AGBL4: variants seen among roughly 807,000 people sequenced by gnomAD.
AGBL4 encodes the protein AGBL carboxypeptidase 4, also known as cytosolic carboxypeptidase 6.
A neutral mutation model predicts 66.4 loss-of-function variants in AGBL4; 58 were observed. That is an observed-to-expected ratio of 0.87 (90% CI 0.71 to 1.09). The LOEUF is 1.09. AGBL4 is among the 50% of genes least tolerant of loss of function. The pLI is 0.00. For synonymous variants in AGBL4, 234 were observed against 222.9 expected, an observed-to-expected ratio of 1.05 and a Z score of -0.44; for missense variants, 579 against 631.0, an observed-to-expected ratio of 0.92 and a Z score of 0.88.
chr1:49,730,291 G>A (rs1649339862), intron 2 of AGBL4, among the ~76,000 whole-genome samples: 1 of 152,144 alleles, frequency 6.6e-6, no homozygotes, highest in African/African-American at 2.4e-5. Flanking sequence ...CCAAAGAGCA[G>A]GAGCTAAAAA....
At chr1:49,049,456 A>G (rs1035917341) in intron 4 of AGBL4, among the ~76,000 whole-genome samples, 1 of 152,144 alleles carries the variant, frequency 6.6e-6, no homozygotes, top group African/African-American at 2.4e-5. Context: ...GAACAATAAA[A>G]GTAAATGGAT....
chr1:49,391,790 T>C (rs531079505), intron 3 of AGBL4, among the ~76,000 whole-genome samples: 2 of 152,146 alleles, frequency 1.3e-5, no homozygotes, highest in East Asian at 3.9e-4. Context: ...CTTGATCTCC[T>C]GACCTCGTGA....
chr1:48,566,244 C>T (rs905995666), intron 11 of AGBL4, among the ~76,000 whole-genome samples: 13 of 152,142 alleles, frequency 8.5e-5, no homozygotes, highest in Admixed American at 1.3e-4. Context: ...GTTCTGTCAC[C>T]GAGCCTTTAT....
chr1:49,227,957 C>T (rs1650033583), intron 4 of AGBL4, among the ~76,000 whole-genome samples: 2 of 152,254 alleles, frequency 1.3e-5, no homozygotes, highest in African/African-American at 2.4e-5. Flanking sequence ...ACATCCTACC[C>T]TTCCAGCACT....
intron 1 of AGBL4, among the ~76,000 whole-genome samples, chr1:49,974,689 G>C (rs184890111): frequency 6.6e-6 from 1 of 152,184 alleles, no homozygotes; most frequent in Admixed American, 6.5e-5. Flanking sequence ...ACCCTAATAG[G>C]ATATCTCCAA....
intron 3 of AGBL4, among the ~76,000 whole-genome samples, chr1:49,296,521 A>G (rs765295984): frequency 6.6e-6 from 1 of 152,164 alleles, no homozygotes; most frequent in Non-Finnish European, 1.5e-5. Flanking sequence ...CTTCATTCCC[A>G]TTGTTAGGAG....
intron 2 of AGBL4, among the ~76,000 whole-genome samples, chr1:49,702,228 C>T (rs1287750866): frequency 6.6e-6 from 1 of 152,120 alleles, no homozygotes; most frequent in Admixed American, 6.6e-5. Flanking sequence ...TGTGGTGGCT[C>T]ACACCTGTAA....
chr1:49,952,793 G>T (rs1024207408), intron 1 of AGBL4, among the ~76,000 whole-genome samples: 9 of 151,960 alleles, frequency 5.9e-5, no homozygotes, highest in Non-Finnish European at 7.4e-5. Context: ...ATACAGGTGG[G>T]ATGGTAAAGA....
intron 2 of AGBL4, among the ~76,000 whole-genome samples, chr1:49,814,893 C>T (rs1348218033): frequency 6.6e-6 from 1 of 152,012 alleles, no homozygotes. Context: ...TTTGTGGGAA[C>T]ATAGTAGGTG....
chr1:49,832,629 C>G lies in AGBL4; in HGVS notation c.157+18767G>C, dbSNP rs1269091978. ...GTCCCACCAAGAGTGTAAAAGTGTT[C>G]CTATTTCTCCACATCCTCTCCAGCA... On this transcript the variant is annotated intron_variant, in intron 2 of 13. Coordinates refer to ENST00000371839, the MANE Select transcript of AGBL4 (RefSeq NM_032785.4). Among the ~76,000 whole-genome samples the G allele has an allele frequency of 1.2e-4, 18 of 151,576 alleles. No homozygotes were observed. The East Asian group carries it at 3.5e-3, about 29-fold the overall frequency.
intron 1 of AGBL4, among the ~76,000 whole-genome samples, chr1:49,918,231 G>C (rs1301695648): frequency 6.6e-6 from 1 of 152,056 alleles, no homozygotes; most frequent in Non-Finnish European, 1.5e-5. Flanking sequence ...AAATAACTAA[G>C]ATCAGAGCAG....
At chr1:48,892,286 G>C (rs749332782) in intron 5 of AGBL4, among the ~76,000 whole-genome samples, 4 of 152,188 alleles carry the variant, frequency 2.6e-5, no homozygotes, top group Non-Finnish European at 5.9e-5. Context: ...ACAAGTCACT[G>C]AATTTAGGGC....
intron 3 of AGBL4, among the ~76,000 whole-genome samples, chr1:49,534,552 C>T (rs944834667): frequency 2.6e-5 from 4 of 152,092 alleles, no homozygotes; most frequent in African/African-American, 9.7e-5. Context: ...GGATGATGTT[C>T]CTAGACAGAA....
At chr1:49,896,993 C>A (rs771202147) in intron 1 of AGBL4, among the ~76,000 whole-genome samples, 7 of 151,926 alleles carry the variant, frequency 4.6e-5, no homozygotes, top group African/African-American at 7.2e-5. Context: ...AACAGACCCA[C>A]AGCTAGTATC....
rs540855105 is a variant in AGBL4 at position 49,864,309 on chromosome 1, C to T, written c.35-12791G>A. Among the ~76,000 whole-genome samples the T allele has an allele frequency of 4.6e-5, 7 of 151,384 alleles. No individual in the cohort carries two copies. The South Asian group carries it at 1.5e-3, about 32-fold the overall frequency. The stretch of plus-strand genomic sequence containing the variant: ...GGCAGGTGGATATGGTTAATGGGTA[C>T]AAAAAAAACAACAGAAAGAATGAAT... On this transcript the variant is annotated intron_variant, in intron 1 of 13. Coordinates refer to ENST00000371839, the MANE Select transcript of AGBL4 (RefSeq NM_032785.4).
intron 2 of AGBL4, chr1:49,846,508 G>A (rs1646147700): frequency 2.5e-6 from 2 of 787,874 alleles, no homozygotes; most frequent in Non-Finnish European, 1.9e-6. Flanking sequence ...TTATCAACAG[G>A]GTGGAAACAG....
intron 3 of AGBL4, among the ~76,000 whole-genome samples, chr1:49,282,327 G>A (rs1644292518): frequency 1.3e-5 from 2 of 152,140 alleles, no homozygotes; most frequent in South Asian, 2.1e-4. Context: ...CTCAAATGAA[G>A]AGATTTTGTC....
intron 3 of AGBL4, among the ~76,000 whole-genome samples, chr1:49,628,033 C>T (rs1645497816): frequency 6.6e-6 from 1 of 152,160 alleles, no homozygotes; most frequent in African/African-American, 2.4e-5. Context: ...CAAAACCCAG[C>T]TCATAATTAA....
In AGBL4 at chr1:49,973,419, A is replaced by T. The variant is rs531505978; in HGVS notation, c.34+50344T>A. On this transcript the variant is annotated intron_variant, in intron 1 of 13. Coordinates refer to ENST00000371839, the MANE Select transcript of AGBL4 (RefSeq NM_032785.4). Reference sequence around the variant, plus strand: ...AAATGCTCAATAGCTACACATGGCTAGCAGCTACTATGTTAAATAGTTCAG... The same window carrying T: ...AAATGCTCAATAGCTACACATGGCTTGCAGCTACTATGTTAAATAGTTCAG... Among the ~76,000 whole-genome samples the T allele has an allele frequency of 3.9e-5, 6 of 152,250 alleles. No homozygotes were observed. The South Asian group carries it at 1.2e-3, about 32-fold the overall frequency.
Sources: allele counts gnomAD v4.1 joint callset (sites outside exome capture counted in the v4.1 genomes callset), GRCh38; gene constraint gnomAD v4.1.1; transcripts MANE v1.5; gene names NCBI Gene and HGNC (gene_info 2026-07-23, HGNC 2026-07-21).